The following RFX3 variants were observed in gnomAD, a reference collection of about 807,000 sequenced individuals.
RFX3 encodes the protein transcription factor RFX3.
In RFX3, 14 loss-of-function variants were observed where a neutral mutation model predicts 98.6. That is an observed-to-expected ratio of 0.14 (90% confidence interval 0.09 to 0.22). The LOEUF (loss-of-function observed/expected upper bound fraction) is 0.22, where lower values mean the gene tolerates loss of function less well. Among genes scored for constraint, RFX3 ranks in the 10% least tolerant of loss-of-function variants. The pLI is 1.00. For synonymous variants in RFX3, 383 were observed against 328.4 expected (o/e 1.17, Z -1.80); for missense variants, 639 against 926.9 (o/e 0.69, Z 4.03).
At chr9:3,348,748 T>C (rs1249398672) in intron 2 of RFX3, among the ~76,000 whole-genome samples, 1 of 152,042 alleles carries the variant, frequency 6.6e-6, no homozygotes, top group Non-Finnish European at 1.5e-5. Context: ...TTTGAACATA[T>C]TTAATGATTT....
intron 1 of RFX3, among the ~76,000 whole-genome samples, chr9:3,417,073 C>G: frequency 6.6e-6 from 1 of 151,524 alleles, no homozygotes; most frequent in East Asian, 1.9e-4. Context: ...AAGGAAATTT[C>G]AAAGCAAGAA....
At chr9:3,269,202 G>A (rs1034586423) in intron 11 of RFX3, among the ~76,000 whole-genome samples, 6 of 151,378 alleles carry the variant, frequency 4.0e-5, no homozygotes, top group South Asian at 2.1e-4. Context: ...ATAAATTTAC[G>A]TGTGTTCATT....
chr9:3,330,928 T>G (rs1832525843), intron 3 of RFX3, among the ~76,000 whole-genome samples: 1 of 152,196 alleles, frequency 6.6e-6, no homozygotes. Context: ...ACTTAGCTAA[T>G]ACTCAGACTA....
At chr9:3,240,458 T>A (rs936629137) in intron 15 of RFX3, among the ~76,000 whole-genome samples, 9 of 152,200 alleles carry the variant, frequency 5.9e-5, no homozygotes, top group Non-Finnish European at 1.3e-4. Context: ...TATCTTAATT[T>A]TGATTATACC....
At chr9:3,247,907 C>G in intron 15 of RFX3, 125 bp downstream of exon 15, 12 of 1,611,648 alleles carry the variant, frequency 7.4e-6, no homozygotes, top group Non-Finnish European at 1.0e-5. Context: ...TCCACAGTCC[C>G]TCCTGGCTCT....
intron 16 of RFX3, among the ~76,000 whole-genome samples, chr9:3,226,175 C>G (rs1241435861): frequency 6.6e-6 from 1 of 152,128 alleles, no homozygotes; most frequent in African/African-American, 2.4e-5. Flanking sequence ...CTTGTATAAA[C>G]AGAGTCAGGT....
chr9:3,344,203 C>T (rs7863972), intron 3 of RFX3, among the ~76,000 whole-genome samples: 16,784 of 152,100 alleles, frequency 0.11, 1,523 homozygotes, highest in African/African-American at 0.25. Context: ...AACTAATGTT[C>T]ATTGAGTGTG....
Position 3,223,449 on chromosome 9 carries a change from C to G in RFX3, c.*1593G>C, listed in dbSNP as rs570223366. ...CTGAAAAGATGCACTTCGATAAGTA[C>G]CTGCTTACTTTGTTAACTTTCTAAA... is the stretch of plus-strand genomic sequence containing the variant. On this transcript the variant is annotated 3_prime_UTR_variant, in exon 17 of 17. Coordinates refer to ENST00000617270, the MANE Select transcript of RFX3 (RefSeq NM_001282116.2). 1 of 152,246 alleles carries G rather than the reference C, an allele frequency of 6.6e-6. No homozygotes were observed. Among genetic ancestry groups the G allele is most frequent in the East Asian group, 1.9e-4 (1 of 5,164 alleles). The allele number at this position is 152,246 out of a possible 1,614,324, so 9.4% of individuals were successfully genotyped here.
intron 1 of RFX3, among the ~76,000 whole-genome samples, chr9:3,423,203 G>A (rs796928085): frequency 2.0e-5 from 3 of 152,028 alleles, no homozygotes; most frequent in Non-Finnish European, 2.9e-5. Flanking sequence ...GTTTTCAAAC[G>A]GTACAACCAC....
At chr9:3,289,488 T>C (rs1005935318) in intron 6 of RFX3, among the ~76,000 whole-genome samples, 8 of 152,038 alleles carry the variant, frequency 5.3e-5, no homozygotes, top group African/African-American at 1.9e-4. Context: ...AAATTCCACA[T>C]ACCCAATTTG....
Position 3,462,262 on chromosome 9 carries a change from G to A in RFX3, c.-9+63485C>T, listed in dbSNP as rs536492894. Among the ~76,000 whole-genome samples the A allele has an allele frequency of 1.2e-4, 18 of 152,032 alleles. 1 individual carries two copies. The South Asian group carries it at 2.1e-3, about 17-fold the overall frequency. On this transcript the variant is annotated intron_variant, in intron 1 of 16. Coordinates refer to ENST00000617270, the MANE Select transcript of RFX3 (RefSeq NM_001282116.2). ...AATGGGATTTATTCCAGAATTCAAG[G>A]TTGCTTTATCATTAGAATATCAATC...
chr9:3,353,871 T>G (rs537273775), intron 2 of RFX3, among the ~76,000 whole-genome samples: 1 of 152,030 alleles, frequency 6.6e-6, no homozygotes, highest in East Asian at 1.9e-4. Context: ...GACCTTGAAA[T>G]GATAGAAATG....
At position 3,440,616 on chromosome 9, in the gene RFX3, C is replaced by T. The variant is rs527637561; in HGVS notation, c.-8-45020G>A. ...GCTAAGTAAAGAGGTATAACTTGTT[C>T]ATGGGTTACATGACCCAATATTGTT... On this transcript the variant is annotated intron_variant, in intron 1 of 16. Transcript: ENST00000617270. 3.9e-5 allele frequency among the ~76,000 whole-genome samples: 6 copies of T among 152,246 alleles called. No homozygotes were observed. The South Asian group carries it at 1.2e-3, about 32-fold the overall frequency.
chr9:3,360,709 A>AT, intron 2 of RFX3, among the ~76,000 whole-genome samples: 1 of 152,266 alleles, frequency 6.6e-6, no homozygotes, highest in South Asian at 2.1e-4. Flanking sequence ...AATTTGTATT[A>AT]TTTTTTAAAA....
intron 7 of RFX3, among the ~76,000 whole-genome samples, chr9:3,282,062 C>G (rs537426497): frequency 2.0e-5 from 3 of 151,706 alleles, no homozygotes; most frequent in African/African-American, 7.2e-5. Context: ...ATTTTATTTG[C>G]ATGAATAAAT....
intron 2 of RFX3, among the ~76,000 whole-genome samples, chr9:3,386,427 G>C (rs565343206): frequency 1.5e-3 from 232 of 152,092 alleles, no homozygotes; most frequent in Non-Finnish European, 2.2e-3. Context: ...CTATAAATGA[G>C]CAAGACATTG....
chr9:3,401,018 G>C (rs1841427024), intron 1 of RFX3, among the ~76,000 whole-genome samples: 1 of 152,198 alleles, frequency 6.6e-6, no homozygotes, highest in Non-Finnish European at 1.5e-5. Context: ...GCTAGAGACT[G>C]TTGGTCTAGA....
At chr9:3,468,804 G>A (rs1167862173) in intron 1 of RFX3, among the ~76,000 whole-genome samples, 1 of 100,640 alleles carries the variant, frequency 9.9e-6, no homozygotes, top group Non-Finnish European at 1.9e-5. Flanking sequence ...TTACCCGATT[G>A]TTTTCCTTTT....
chr9:3,232,620 A>G (rs569560114), intron 15 of RFX3, among the ~76,000 whole-genome samples: 1 of 152,352 alleles, frequency 6.6e-6, no homozygotes, highest in South Asian at 2.1e-4. Flanking sequence ...TCCTCATTTC[A>G]GCCTCACCAA....
Sources: allele counts gnomAD v4.1 joint callset (sites outside exome capture counted in the v4.1 genomes callset), GRCh38; gene constraint gnomAD v4.1.1; transcripts MANE v1.5; gene names NCBI Gene and HGNC (gene_info 2026-07-23, HGNC 2026-07-21).